Variants in ZNF337 observed in about 807,000 individuals in gnomAD.
ZNF337 encodes zinc finger protein 337.
Under a neutral mutation model 12.1 loss-of-function variants are expected in ZNF337, and 8 were observed. The ratio of observed to expected loss-of-function variants is 0.66; its 90% confidence interval spans 0.39 to 1.19. ZNF337 has a LOEUF of 1.19. Among genes scored for constraint, ZNF337 ranks in the 50% most tolerant of loss-of-function variants. ZNF337 has a pLI of 0.01. For synonymous variants in ZNF337, 336 were observed against 320.0 expected, an observed-to-expected ratio of 1.05 and a Z score of -0.53; for missense variants, 882 against 896.6, an observed-to-expected ratio of 0.98 and a Z score of 0.21.
Position 25,686,131 on chromosome 20 carries a change from C to T in ZNF337, c.28-9G>A, listed in dbSNP as rs1250015420. 6.2e-7 allele frequency: 1 copy of T among 1,613,750 alleles called. No homozygotes were observed. Among genetic ancestry groups the T allele is most frequent in the South Asian group, 1.1e-5 (1 of 91,028 alleles). The stretch of plus-strand genomic sequence containing the variant: ...CCAAATGCCAAGAAAGCCTGTAACA[C>T]AAAACCCAGGCATGCTCACCAGGGA... On this transcript the variant is annotated splice_polypyrimidine_tract_variant and intron_variant, in intron 2 of 4. Transcript: ENST00000252979.
intron 1 of ZNF337, among the ~76,000 whole-genome samples, chr20:25,694,720 A>G (rs1410052021): frequency 3.9e-5 from 6 of 152,112 alleles, no homozygotes. Context: ...TCATCAGATG[A>G]GTTTTATTAC....
intron 1 of ZNF337, among the ~76,000 whole-genome samples, chr20:25,695,494 C>T (rs1312689641): frequency 6.6e-6 from 1 of 152,148 alleles, no homozygotes; most frequent in African/African-American, 2.4e-5. Flanking sequence ...AGGTGTAAAC[C>T]CTTTGGAGAT....
At chr20:25,685,770 C>A in intron 3 of ZNF337, 108 bp from the exon 4 acceptor site, 1 of 1,198,998 alleles carries the variant, frequency 8.3e-7, no homozygotes. Context: ...AGGGGGAAGG[C>A]TCAGGAGGAC....
intron 1 of ZNF337, among the ~76,000 whole-genome samples, chr20:25,695,515 T>C (rs896433350): frequency 6.6e-6 from 1 of 152,170 alleles, no homozygotes; most frequent in African/African-American, 2.4e-5. Flanking sequence ...ATACCAGCTT[T>C]TTGGGAGGAA....
intron 1 of ZNF337, among the ~76,000 whole-genome samples, chr20:25,692,893 T>C (rs1436517464): frequency 6.6e-6 from 1 of 152,214 alleles, no homozygotes; most frequent in Non-Finnish European, 1.5e-5. Context: ...AAAATGTTCA[T>C]ATGTTGATTT....
At chr20:25,685,428 G>A (rs2065819261) in intron 4 of ZNF337, 139 bp downstream of exon 4, 1 of 677,514 alleles carries the variant, frequency 1.5e-6, no homozygotes, top group East Asian at 2.7e-5. Flanking sequence ...GCAAGGACTG[G>A]AAGGAAGGCA....
chr20:25,675,869 T>C lies in ZNF337; in HGVS notation c.1419A>G (p.Ser473=). 1 of 1,614,164 alleles carries C rather than the reference T, an allele frequency of 6.2e-7. No individual in the cohort carries two copies. Among genetic ancestry groups the C allele is most frequent in the South Asian group, 1.1e-5 (1 of 91,078 alleles). ...KDCGRGFIQK[S]TFTLHQRTHS... is the part of the protein sequence containing the mutation. ...GTGTCCTCTGGTGTAAAGTGAAGGT[T>C]GACTTTTGGATAAAGCCTCGTCCAC... The change falls in exon 5 of 5, where the codon TCA becomes TCG. Residue 473 remains serine, a synonymous_variant. Coordinates refer to ENST00000252979, the MANE Select transcript of ZNF337 (RefSeq NM_015655.4).
intron 1 of ZNF337, among the ~76,000 whole-genome samples, chr20:25,694,870 A>T (rs2065907602): frequency 6.6e-6 from 1 of 152,236 alleles, no homozygotes; most frequent in Admixed American, 6.5e-5. Context: ...AACAGATTGA[A>T]ATGGATAGCC....
At chr20:25,686,558 G>A in intron 1 of ZNF337, 92 bp from the exon 2 acceptor site, 1 of 964,694 alleles carries the variant, frequency 1.0e-6, no homozygotes, top group Non-Finnish European at 1.5e-6. Flanking sequence ...CTGGGGATCT[G>A]GGGAGGGCGC....
chr20:25,676,080 G>A lies in ZNF337; in HGVS notation c.1208C>T (p.Pro403Leu), dbSNP rs750771868. ...RHQRTHSGEK[P>L]FVCKDCERSF... ...TCGCTCACAATCCTTGCACACAAAA[G>A]GCTTCTCCCCTGAGTGTGTTCTCTG... The change falls in exon 5 of 5, where the codon CCT becomes CTT. Residue 403 changes from proline (P) to leucine (L), a missense_variant. Coordinates refer to ENST00000252979, the MANE Select transcript of ZNF337 (RefSeq NM_015655.4). 1 of 1,614,104 alleles carries A rather than the reference G, an allele frequency of 6.2e-7. No homozygotes were observed. Among genetic ancestry groups the A allele is most frequent in the South Asian group, 1.1e-5 (1 of 91,076 alleles).
intron 1 of ZNF337, among the ~76,000 whole-genome samples, chr20:25,693,551 G>T (rs867686570): frequency 1.3e-5 from 2 of 152,146 alleles, no homozygotes; most frequent in African/African-American, 4.8e-5. Context: ...TACAAGACCT[G>T]GTCTGCACCA....
At chr20:25,690,599 G>A (rs1435589820) in intron 1 of ZNF337, among the ~76,000 whole-genome samples, 5 of 152,198 alleles carry the variant, frequency 3.3e-5, no homozygotes, top group Non-Finnish European at 7.3e-5. Context: ...ACTGGATCAT[G>A]CTTGGCAAAG....
At chr20:25,690,940 C>CA (rs1437794491) in intron 1 of ZNF337, among the ~76,000 whole-genome samples, 2 of 152,030 alleles carry the variant, frequency 1.3e-5, no homozygotes, top group Non-Finnish European at 2.9e-5. Context: ...ACAACAACAA[C>CA]AAAAACTCAG....
intron 1 of ZNF337, among the ~76,000 whole-genome samples, chr20:25,696,277 G>C (rs1392592832): frequency 2.0e-5 from 3 of 152,102 alleles, no homozygotes; most frequent in African/African-American, 7.2e-5. Context: ...TGGAGCATCA[G>C]AGTCGGAGGG....
rs766505797 is a variant in ZNF337 at position 25,675,424 on chromosome 20, G to T, written c.1864C>A (p.His622Asn). The change falls in exon 5 of 5, where the codon CAT becomes AAT. Residue 622 changes from histidine (H) to asparagine (N), a missense_variant. His to Asn is a moderately conservative substitution (Grantham distance 68). Coordinates refer to ENST00000252979, the MANE Select transcript of ZNF337 (RefSeq NM_015655.4). Reference protein sequence around the residue: ...KSNLVKHQLAHSGKQPFVCKE... With the variant: ...KSNLVKHQLANSGKQPFVCKE... ...CATACAAAAGGCTGCTTGCCAGAAT[G>T]TGCAAGCTGGTGTTTCACAAGATTT... 2 of 1,613,854 alleles carry T rather than the reference G, an allele frequency of 1.2e-6. No homozygotes were observed. The highest frequency in any genetic ancestry group is 1.7e-6 in the Non-Finnish European group (2 of 1,180,004).
rs914465208 is a variant in ZNF337 at position 25,685,636 on chromosome 20, T to C, written c.181A>G (p.Ile61Val). Residue 61 changes from isoleucine (I) to valine (V), a missense_variant, in exon 4 of 5, where the codon ATC becomes GTC. Coordinates refer to ENST00000252979, the MANE Select transcript of ZNF337 (RefSeq NM_015655.4). ...ACTTCCCCTTGCTCTAGCCGCCTGA[T>C]GAGTTCTGGTTTAGAATGGAGAATT... ...LGILHSKPEL[I>V]RRLEQGEVPW... 1 of 1,612,990 alleles carries C rather than the reference T, an allele frequency of 6.2e-7. No homozygotes were observed. Among genetic ancestry groups the C allele is most frequent in the Non-Finnish European group, 8.5e-7 (1 of 1,179,000 alleles).
Position 25,676,783 on chromosome 20 carries a change from A to C in ZNF337, c.505T>G (p.Leu169Val), listed in dbSNP as rs769997204. 1 of 1,614,126 alleles carries C rather than the reference A, an allele frequency of 6.2e-7. No individual in the cohort carries two copies. Among genetic ancestry groups the C allele is most frequent in the East Asian group, 2.2e-5 (1 of 44,872 alleles). The change falls in exon 5 of 5, where the codon TTG (leucine) becomes GTG (valine). Residue 169 changes from leucine to valine, a missense_variant. Coordinates refer to ENST00000252979, the MANE Select transcript of ZNF337 (RefSeq NM_015655.4). ...RENPTEIDKVLKGIENSRWGA... is the reference protein window; with the variant it reads ...RENPTEIDKVVKGIENSRWGA... ...CATCTTGAATTTTCTATTCCTTTCA[A>C]TACTTTGTCTATTTCTGTAGGATTT...
intron 1 of ZNF337, among the ~76,000 whole-genome samples, chr20:25,695,143 C>T (rs991939793): frequency 6.6e-6 from 1 of 152,082 alleles, no homozygotes; most frequent in African/African-American, 2.4e-5. Context: ...TGGTGGCGGG[C>T]GCCTGTAGTC....
Position 25,676,865 on chromosome 20 carries a change from T to C in ZNF337, c.423A>G (p.Val141=). Residue 141 remains valine (V), a synonymous_variant, in exon 5 of 5, where the codon GTA becomes GTG. Coordinates refer to ENST00000252979, the MANE Select transcript of ZNF337 (RefSeq NM_015655.4). ...AFSSPPLRHA[V]SSRRRNSVVE... ...CTACACTGTTCCTCCTCCTTGAGCT[T>C]ACTGCATGTCTTAGGGGTGGGCTGG... is the stretch of plus-strand genomic sequence containing the variant. 2.5e-6 allele frequency: 4 copies of C among 1,614,208 alleles called. No individual in the cohort carries two copies. The South Asian group carries it at 3.3e-5, about 13-fold the overall frequency.
Sources: gnomAD v4.1 joint callset for allele counts (sites outside exome capture counted in the v4.1 genomes callset) on GRCh38, gnomAD v4.1.1 for gene constraint, MANE v1.5 for transcripts, NCBI Gene and HGNC (gene_info 2026-07-23, HGNC 2026-07-21) for gene names.